SAMD12: variants seen among roughly 807,000 people sequenced by gnomAD.
The protein encoded by SAMD12 is sterile alpha motif domain-containing protein 12.
Under a neutral mutation model 15.0 loss-of-function variants are expected in SAMD12, and 9 were observed. The ratio of observed to expected loss-of-function variants is 0.60; its 90% CI spans 0.36 to 1.05. The LOEUF (loss-of-function observed/expected upper bound fraction) is 1.05. Ranked by LOEUF, SAMD12 falls within the 50% of genes least tolerant of loss-of-function variation. SAMD12 has a pLI of 0.01. For synonymous variants in SAMD12, 86 were observed against 90.1 expected (o/e 0.96, Z 0.25); for missense variants, 230 against 234.2 (o/e 0.98, Z 0.12).
intron 1 of SAMD12, among the ~76,000 whole-genome samples, chr8:118,620,829 C>G (rs577651187): frequency 3.9e-5 from 6 of 152,300 alleles, no homozygotes; most frequent in African/African-American, 1.4e-4. Context: ...TACTTCAGTA[C>G]GCCCTCTGAC....
chr8:118,606,539 T>C (rs1385778813), intron 1 of SAMD12, among the ~76,000 whole-genome samples: 2 of 150,190 alleles, frequency 1.3e-5, no homozygotes, highest in Non-Finnish European at 3.0e-5. Flanking sequence ...CCAGAAAACA[T>C]GCAGATGCCA....
chr8:118,253,045 G>A (rs28370861), intron 4 of SAMD12, among the ~76,000 whole-genome samples: 2,625 of 152,258 alleles, frequency 0.017, 85 homozygotes, highest in African/African-American at 0.06. Flanking sequence ...ATTGGCTGGG[G>A]AGACCTGAAG....
chr8:118,229,557 T>C (rs1021649642), intron 4 of SAMD12, among the ~76,000 whole-genome samples: 1 of 152,160 alleles, frequency 6.6e-6, no homozygotes, highest in African/African-American at 2.4e-5. Context: ...GACCTGCTTT[T>C]CCCACTTCAT....
At chr8:118,156,805 A>G in the SAMD12 span, among the ~76,000 whole-genome samples, 1 of 152,224 alleles carries the variant, frequency 6.6e-6, no homozygotes, top group Non-Finnish European at 1.5e-5. Context: ...GAGTAGAGTG[A>G]CATTCCTAGA....
chr8:118,318,644 G>C (rs2130438437), intron 4 of SAMD12, among the ~76,000 whole-genome samples: 1 of 152,020 alleles, frequency 6.6e-6, no homozygotes, highest in African/African-American at 2.4e-5. Context: ...GTGCATTAAA[G>C]TCTCAGAATT....
At chr8:118,334,186 CATTT>C (rs1365260107) in intron 4 of SAMD12, among the ~76,000 whole-genome samples, 1 of 152,164 alleles carries the variant, frequency 6.6e-6, no homozygotes, top group Non-Finnish European at 1.5e-5. Context: ...TCTATTTACA[CATTT>C]ATTTAACAAC....
At chr8:118,204,536 C>T (rs754258238) in intron 4 of SAMD12, among the ~76,000 whole-genome samples, 28 of 152,114 alleles carry the variant, frequency 1.8e-4, no homozygotes, top group Non-Finnish European at 2.8e-4. Context: ...GGGCAGATCA[C>T]GAGGTCAGAA....
chr8:118,585,871 A>C (rs1827425570), intron 1 of SAMD12, among the ~76,000 whole-genome samples: 1 of 152,212 alleles, frequency 6.6e-6, no homozygotes. Flanking sequence ...CTCTGCTCAC[A>C]GTGATGCTAG....
chr8:118,213,656 C>T (rs937268422), intron 4 of SAMD12, among the ~76,000 whole-genome samples: 2 of 152,152 alleles, frequency 1.3e-5, no homozygotes, highest in African/African-American at 4.8e-5. Context: ...AGCAGATCAT[C>T]AAAATTCACT....
chr8:118,140,919 C>T, the SAMD12 span, among the ~76,000 whole-genome samples: 18 of 152,202 alleles, frequency 1.2e-4, no homozygotes, highest in Admixed American at 1.1e-3. Context: ...ACCCCTGTCC[C>T]ATGGCCTGCA....
chr8:118,283,331 A>C (rs879660218), intron 4 of SAMD12, among the ~76,000 whole-genome samples: 1 of 152,152 alleles, frequency 6.6e-6, no homozygotes, highest in Admixed American at 6.5e-5. Flanking sequence ...AACCTCTCCT[A>C]TGAGGTCAGA....
At chr8:118,302,873 C>T (rs1228188032) in intron 4 of SAMD12, among the ~76,000 whole-genome samples, 1 of 152,122 alleles carries the variant, frequency 6.6e-6, no homozygotes, top group Admixed American at 6.5e-5. Context: ...GACCTATTAT[C>T]TAGGCAAAAA....
At chr8:118,386,362 C>A (rs775892021) in intron 3 of SAMD12, among the ~76,000 whole-genome samples, 1 of 152,102 alleles carries the variant, frequency 6.6e-6, no homozygotes, top group Non-Finnish European at 1.5e-5. Flanking sequence ...TCCTCTTGCG[C>A]GTGTATAATC....
chr8:118,244,901 A>G (rs1812651920), intron 4 of SAMD12, among the ~76,000 whole-genome samples: 1 of 152,140 alleles, frequency 6.6e-6, no homozygotes, highest in African/African-American at 2.4e-5. Context: ...ATAAACAGGG[A>G]TGTCCAAGGA....
chr8:118,504,013 T>C (rs1824856560), intron 2 of SAMD12, among the ~76,000 whole-genome samples: 1 of 152,180 alleles, frequency 6.6e-6, no homozygotes, highest in Non-Finnish European at 1.5e-5. Context: ...CCCCTAGTAA[T>C]AGCCTGTGTC....
At chr8:118,215,467 T>TTC (rs66733703) in intron 4 of SAMD12, among the ~76,000 whole-genome samples, 79 of 36,912 alleles carry the variant, frequency 2.1e-3, no homozygotes, top group African/African-American at 4.9e-3. Context: ...ATTGAGTGCT[T>TTC]TTTTTTTTTA....
At chr8:118,228,378 A>G (rs188662065) in intron 4 of SAMD12, among the ~76,000 whole-genome samples, 26 of 152,362 alleles carry the variant, frequency 1.7e-4, no homozygotes, top group African/African-American at 5.8e-4. Flanking sequence ...TTCACAATCT[A>G]TACATCTGAC....
intron 1 of SAMD12, among the ~76,000 whole-genome samples, chr8:118,592,606 T>C (rs1490821248): frequency 2.0e-5 from 3 of 152,238 alleles, no homozygotes; most frequent in African/African-American, 4.8e-5. Context: ...AAGTGGTACA[T>C]AGAAAGTGCT....
At chr8:118,432,162 A>G (rs1166572298) in intron 3 of SAMD12, among the ~76,000 whole-genome samples, 1 of 152,332 alleles carries the variant, frequency 6.6e-6, no homozygotes, top group East Asian at 1.9e-4. Flanking sequence ...TACATTTTGC[A>G]TTAGTACCTT....
Sources: gnomAD v4.1 joint callset for allele counts (sites outside exome capture counted in the v4.1 genomes callset) on GRCh38, gnomAD v4.1.1 for gene constraint, MANE v1.5 for transcripts, NCBI Gene and HGNC (gene_info 2026-07-23, HGNC 2026-07-21) for gene names.